The following ARAP2 variants were observed in gnomAD, a reference collection of about 807,000 sequenced individuals.
ARAP2 encodes arf-GAP with Rho-GAP domain, ANK repeat and PH domain-containing protein 2.
A neutral mutation model predicts 194.5 loss-of-function variants in ARAP2; 148 were observed. That is an observed-to-expected ratio of 0.76 (90% CI 0.67 to 0.87). The LOEUF (loss-of-function observed/expected upper bound fraction) is 0.87. ARAP2 is among the 40% of genes least tolerant of loss of function. ARAP2 has a pLI of 0.00. For missense variants in ARAP2, 2,128 were observed against 1,989.7 expected, an observed-to-expected ratio of 1.07 and a Z score of -1.32; for synonymous variants, 695 against 683.5, an observed-to-expected ratio of 1.02 and a Z score of -0.26.
At chr4:36,123,425 C>G (rs1460972955) in intron 22 of ARAP2, among the ~76,000 whole-genome samples, 1 of 151,776 alleles carries the variant, frequency 6.6e-6, no homozygotes, top group Non-Finnish European at 1.5e-5. Flanking sequence ...TTGGGACTTC[C>G]TTCTGCAGTA....
intron 19 of ARAP2, among the ~76,000 whole-genome samples, chr4:36,136,234 C>T (rs1438830777): frequency 6.6e-6 from 1 of 151,690 alleles, no homozygotes; most frequent in African/African-American, 2.4e-5. Context: ...TTCCTGGATT[C>T]GAATTCCAAA....
At chr4:36,206,697 A>G (rs979480973) in intron 6 of ARAP2, among the ~76,000 whole-genome samples, 47 of 152,164 alleles carry the variant, frequency 3.1e-4, no homozygotes, top group African/African-American at 1.1e-3. Context: ...ATTCACATAT[A>G]TATTTCTTTT....
chr4:36,134,723 AAC>A, intron 19 of ARAP2, among the ~76,000 whole-genome samples: 1 of 117,732 alleles, frequency 8.5e-6, no homozygotes, highest in East Asian at 2.4e-4. Context: ...AGGAAACATA[AAC>A]ACACACAAAT....
chr4:36,006,273 A>G (rs1352325589), intron 10 of ARAP2: 1 of 152,208 alleles, frequency 6.6e-6, no homozygotes, highest in Non-Finnish European at 1.5e-5. Flanking sequence ...AAAAACGGAC[A>G]GCTAAGGAAG....
At chr4:36,204,987 C>CAAAAAAAA (rs754960122) in intron 6 of ARAP2, among the ~76,000 whole-genome samples, 6 of 35,084 alleles carry the variant, frequency 1.7e-4, no homozygotes, top group African/African-American at 2.7e-4. Flanking sequence ...GACTCCATCT[C>CAAAAAAAA]AAAAAAAAAA....
chr4:36,145,585 T>C (rs56058723), intron 19 of ARAP2, among the ~76,000 whole-genome samples: 48,574 of 151,834 alleles, frequency 0.32, 8,935 homozygotes, highest in East Asian at 0.47. Flanking sequence ...ACGGTCACTA[T>C]TTGGGTGATG....
At chr4:36,099,982 G>T (rs1328362772) in intron 27 of ARAP2, among the ~76,000 whole-genome samples, 1 of 152,042 alleles carries the variant, frequency 6.6e-6, no homozygotes, top group Non-Finnish European at 1.5e-5. Flanking sequence ...TATAGATTTA[G>T]TTTCTAAGAG....
chr4:36,080,190 C>T (rs1729177317), intron 31 of ARAP2, 26 bp downstream of exon 31: 15 of 1,593,498 alleles, frequency 9.4e-6, no homozygotes, highest in Non-Finnish European at 1.2e-5. Flanking sequence ...TTATACTCTA[C>T]TGGATAGTTC....
intron 19 of ARAP2, among the ~76,000 whole-genome samples, chr4:36,145,541 G>C (rs540368577): frequency 8.6e-5 from 13 of 151,956 alleles, no homozygotes; most frequent in African/African-American, 3.1e-4. Flanking sequence ...GGGACCAAAG[G>C]GGGCAAGGGC....
intron 5 of ARAP2, among the ~76,000 whole-genome samples, chr4:36,211,204 C>G (rs932348152): frequency 2.0e-5 from 3 of 152,108 alleles, no homozygotes; most frequent in African/African-American, 7.2e-5. Flanking sequence ...CCATGTTTCA[C>G]CACAATGCAA....
chr4:36,103,201 A>T (rs1717490158), intron 27 of ARAP2, among the ~76,000 whole-genome samples: 1 of 151,822 alleles, frequency 6.6e-6, no homozygotes, highest in Non-Finnish European at 1.5e-5. Flanking sequence ...CATCTGTCAT[A>T]TACAGCAATC....
At chr4:36,049,179 T>C (rs938738213) in intron 3 of ARAP2, among the ~76,000 whole-genome samples, 3 of 152,142 alleles carry the variant, frequency 2.0e-5, no homozygotes, top group Non-Finnish European at 2.9e-5. Flanking sequence ...GATAGGAACA[T>C]ACTGTGTTTT....
In ARAP2 at chr4:36,168,429, C is replaced by T. The variant is rs950442556; in HGVS notation, c.1858-1382G>A. Among the ~76,000 whole-genome samples the T allele has an allele frequency of 5.3e-5, 8 of 152,208 alleles. No homozygotes were observed. The South Asian group carries it at 1.0e-3, about 20-fold the overall frequency. On this transcript the variant is annotated intron_variant, in intron 9 of 32. Transcript: ENST00000303965. ...TTCTCTGGCAGTACCAAGTCTTAACCGCCTACACCACCAGATTTGTTAAAA... is the reference window on the plus strand; with the variant it reads ...TTCTCTGGCAGTACCAAGTCTTAACTGCCTACACCACCAGATTTGTTAAAA...
chr4:36,159,237 G>A (rs1204334622), intron 14 of ARAP2, 94 bp downstream of exon 14: 24 of 1,265,210 alleles, frequency 1.9e-5, no homozygotes, highest in South Asian at 7.0e-5. Context: ...TCATTCTGAT[G>A]GTTTCTCTTA....
At chr4:36,092,468 G>T (rs1370614617) in intron 27 of ARAP2, among the ~76,000 whole-genome samples, 1 of 152,112 alleles carries the variant, frequency 6.6e-6, no homozygotes, top group South Asian at 2.1e-4. Context: ...AATCAGCCAG[G>T]TGTGGTGGCA....
intron 9 of ARAP2, among the ~76,000 whole-genome samples, chr4:36,174,403 T>C (rs1314431065): frequency 6.6e-6 from 1 of 152,190 alleles, no homozygotes; most frequent in Non-Finnish European, 1.5e-5. Context: ...CACCCCACTG[T>C]TTTGCAGCAT....
At chr4:36,161,875 G>T (rs1037580114) in intron 11 of ARAP2, among the ~76,000 whole-genome samples, 2 of 151,380 alleles carry the variant, frequency 1.3e-5, no homozygotes, top group Non-Finnish European at 2.9e-5. Context: ...TTGGAAGGCC[G>T]AGGCGGGCGG....
At chr4:36,177,175 C>G (rs1042909818) in intron 9 of ARAP2, among the ~76,000 whole-genome samples, 18 of 152,112 alleles carry the variant, frequency 1.2e-4, no homozygotes, top group Admixed American at 6.5e-5. Flanking sequence ...AGTTTACCAT[C>G]AGACTCATCA....
intron 2 of ARAP2, 66 bp from the exon 3 acceptor site, chr4:36,214,546 A>G: frequency 9.6e-7 from 1 of 1,038,462 alleles, no homozygotes; most frequent in Non-Finnish European, 1.4e-6. Flanking sequence ...GTAAAATTAA[A>G]ATTATTAGAA....
Sources: allele counts gnomAD v4.1 joint callset (sites outside exome capture counted in the v4.1 genomes callset), GRCh38; gene constraint gnomAD v4.1.1; transcripts MANE v1.5; gene names NCBI Gene and HGNC (gene_info 2026-07-23, HGNC 2026-07-21).